COTL1: variants seen among roughly 807,000 people sequenced by gnomAD.
The protein encoded by COTL1 is coactosin-like protein.
A neutral mutation model predicts 16.5 loss-of-function variants in COTL1; 15 were observed. That is an observed-to-expected ratio of 0.91 (90% CI 0.61 to 1.40). The LOEUF (loss-of-function observed/expected upper bound fraction) is 1.40, where lower values mean the gene tolerates loss of function less well. Ranked by LOEUF, COTL1 falls within the 40% of genes most tolerant of loss-of-function variation. COTL1 has a pLI of 0.00. For missense variants in COTL1, 220 were observed against 201.5 expected (o/e 1.09, Z -0.56); for synonymous variants, 112 against 85.3 (o/e 1.31, Z -1.73).
intron 2 of COTL1, among the ~76,000 whole-genome samples, chr16:84,607,725 G>A (rs1178445487): frequency 6.6e-6 from 1 of 152,054 alleles, no homozygotes; most frequent in Non-Finnish European, 1.5e-5. Context: ...GGAGGCGGGG[G>A]AGCAATCTGA....
intron 2 of COTL1, among the ~76,000 whole-genome samples, chr16:84,611,910 C>T (rs949071204): frequency 1.3e-5 from 2 of 152,056 alleles, no homozygotes; most frequent in Non-Finnish European, 2.9e-5. Flanking sequence ...ATCATACAAC[C>T]GGTCTGGCAA....
chr16:84,606,459 C>A (rs1285469805), intron 2 of COTL1, among the ~76,000 whole-genome samples: 2 of 152,296 alleles, frequency 1.3e-5, no homozygotes, highest in Non-Finnish European at 1.5e-5. Context: ...GAGAACAAAG[C>A]TGACCTGGTT....
At chr16:84,589,366 T>C (rs1321887034) in intron 3 of COTL1, among the ~76,000 whole-genome samples, 1 of 152,230 alleles carries the variant, frequency 6.6e-6, no homozygotes, top group Non-Finnish European at 1.5e-5. Flanking sequence ...GGATGGGCAG[T>C]GGTACCCCCC....
intron 3 of COTL1, among the ~76,000 whole-genome samples, chr16:84,582,463 C>G (rs992515346): frequency 6.6e-6 from 1 of 152,182 alleles, no homozygotes; most frequent in Non-Finnish European, 1.5e-5. Context: ...CATTTCTTAG[C>G]CCTTGTTATG....
Position 84,590,235 on chromosome 16 carries a change from C to G in COTL1, c.188G>C (p.Arg63Pro), listed in dbSNP as rs755533045. ...GCTCATGGCATCCCCGGTGGTGAAG[C>G]GCACGAAGGCAAACAACCGGACGTC... ...TDDVRLFAFV[R>P]FTTGDAMSKR... The change falls in exon 3 of 4, where the codon CGC becomes CCC. Residue 63 changes from arginine (R) to proline (P), a missense_variant. Coordinates refer to ENST00000262428, the MANE Select transcript of COTL1 (RefSeq NM_021149.5). This position sits in a 1 kb window ranked among gnomAD's most constrained non-coding sequence, Gnocchi z 5.5. The G allele has an allele frequency of 6.2e-7, 1 of 1,614,034 alleles. No homozygotes were observed. Among genetic ancestry groups the G allele is most frequent in the South Asian group, 1.1e-5 (1 of 91,074 alleles).
chr16:84,610,255 T>G (rs1905293006), intron 2 of COTL1, among the ~76,000 whole-genome samples: 1 of 152,190 alleles, frequency 6.6e-6, no homozygotes. Context: ...CTCTTTTAGA[T>G]GGAAACTAAA....
In COTL1 at chr16:84,590,367, C is replaced by CAGGAGA; in HGVS notation, c.161-111_161-106dup. The CAGGAGA allele has an allele frequency of 3.6e-6, 5 of 1,372,474 alleles. No individual in the cohort carries two copies. Among genetic ancestry groups the CAGGAGA allele is most frequent in the Non-Finnish European group, 5.0e-6 (5 of 998,168 alleles). 85.0% of individuals were successfully genotyped at this position (1,372,474 alleles called of 1,614,324 possible). On this transcript the variant is annotated intron_variant, in intron 2 of 3. Coordinates refer to ENST00000262428, the MANE Select transcript of COTL1 (RefSeq NM_021149.5). This position sits in a 1 kb window ranked among gnomAD's most constrained non-coding sequence, Gnocchi z 5.5. ...CACGAGTGCGCCTGGAGCAGCACAG[C>CAGGAGA]AGGAGACCGGTGCAGTTCCCTGGGA...
At chr16:84,588,802 T>A (rs1453134490) in intron 3 of COTL1, among the ~76,000 whole-genome samples, 1 of 150,944 alleles carries the variant, frequency 6.6e-6, no homozygotes, top group East Asian at 2.0e-4. Context: ...CAGGTGTGAG[T>A]CACTGTGCTC....
In COTL1 at chr16:84,566,607, G is replaced by C. The variant is rs1904299434; in HGVS notation, c.*238C>G. 1 of 477,986 alleles carries C rather than the reference G, an allele frequency of 2.1e-6. No homozygotes were observed. Among genetic ancestry groups the C allele is most frequent in the Admixed American group, 3.8e-5 (1 of 26,438 alleles). 29.6% of individuals were successfully genotyped at this position (477,986 alleles called of 1,614,324 possible). A position where few individuals can be genotyped will look rare whatever the true frequency, so the allele number is the denominator to read the frequency against. On this transcript the variant is annotated 3_prime_UTR_variant, in exon 4 of 4. Transcript: ENST00000262428. ...ACTTTTCTTTAGAACAAAAAAGAGG[G>C]GGAGAAAAGAAAAAGAAGATCAAAG...
At position 84,565,938 on chromosome 16, in the gene COTL1, T is replaced by A. The variant is rs910787221; in HGVS notation, c.*907A>T. ...CCTCGCAGCTTACACAGAAGCTTCC[T>A]GAACCTAAGGGATCCGTTCCCAGCT... On this transcript the variant is annotated 3_prime_UTR_variant, in exon 4 of 4. Transcript: ENST00000262428. 4.6e-5 allele frequency: 7 copies of A among 152,340 alleles called. No homozygotes were observed. The highest frequency in any genetic ancestry group is 1.7e-4 in the African/African-American group (7 of 41,480). 9.4% of individuals were successfully genotyped at this position (152,340 alleles called of 1,614,324 possible). A position where few individuals can be genotyped will look rare whatever the true frequency, so the allele number is the denominator to read the frequency against.
In COTL1 at chr16:84,590,659, C is replaced by T. The variant is rs949192987; in HGVS notation, c.161-397G>A. Among the ~76,000 whole-genome samples the T allele has an allele frequency of 9.2e-5, 14 of 152,036 alleles. No homozygotes were observed. The highest frequency in any genetic ancestry group is 2.7e-4 in the African/African-American group (11 of 41,368). On this transcript the variant is annotated intron_variant, in intron 2 of 3. Transcript: ENST00000262428. The surrounding 1 kb of genome is among the most constrained non-coding windows in gnomAD (Gnocchi z 5.5). ...GGGCCCATTGCACAGATGTGGGTGC[C>T]GCCAGCAGTGCCAGGGCCCAGCCAA...
At chr16:84,577,886 C>T (rs2150682371) in intron 3 of COTL1, among the ~76,000 whole-genome samples, 1 of 152,308 alleles carries the variant, frequency 6.6e-6, no homozygotes, top group African/African-American at 2.4e-5. Context: ...CCCGACAGGG[C>T]CCCTGACCTC....
rs770354871 is a variant in COTL1, at chr16:84,590,067, G to A, written c.318+38C>T. ...CCTCCTTGCAGGATGGTGACCCTTGGCGAGCTTTGACCTCCAGACTCTGGA... is the reference window on the plus strand; with the variant it reads ...CCTCCTTGCAGGATGGTGACCCTTGACGAGCTTTGACCTCCAGACTCTGGA... On this transcript the variant is annotated intron_variant, in intron 3 of 3. Coordinates refer to ENST00000262428, the MANE Select transcript of COTL1 (RefSeq NM_021149.5). The surrounding 1 kb of genome is among the most constrained non-coding windows in gnomAD (Gnocchi z 5.5). 1.3e-6 allele frequency: 2 copies of A among 1,582,646 alleles called. No individual in the cohort carries two copies. The highest frequency in any genetic ancestry group is 2.3e-5 in the East Asian group (1 of 44,170).
At chr16:84,581,163 A>G (rs1488387854) in intron 3 of COTL1, among the ~76,000 whole-genome samples, 4 of 147,978 alleles carry the variant, frequency 2.7e-5, no homozygotes, top group Admixed American at 6.7e-5. Context: ...ACAAACAAAT[A>G]AATATATGTA....
Position 84,590,228 on chromosome 16 carries a change from G to A in COTL1, c.195C>T (p.Thr65=). 14 of 1,614,166 alleles carry A rather than the reference G, an allele frequency of 8.7e-6. No homozygotes were observed. Among genetic ancestry groups the A allele is most frequent in the Non-Finnish European group, 1.2e-5 (14 of 1,179,998 alleles). The change falls in exon 3 of 4, where the codon ACC becomes ACT. Residue 65 remains threonine (T), a synonymous_variant. Transcript: ENST00000262428. The surrounding 1 kb of genome is among the most constrained non-coding windows in gnomAD (Gnocchi z 5.5). ...ACCTCTTGCTCATGGCATCCCCGGT[G>A]GTGAAGCGCACGAAGGCAAACAACC... is the stretch of plus-strand genomic sequence containing the variant. ...DVRLFAFVRF[T]TGDAMSKRSK...
Position 84,566,420 on chromosome 16 carries a change from G to T in COTL1, c.*425C>A. The T allele has an allele frequency of 6.4e-6, 1 of 157,360 alleles. No homozygotes were observed. Among genetic ancestry groups the T allele is most frequent in the Non-Finnish European group, 1.4e-5 (1 of 71,370 alleles). The allele number at this position is 157,360 out of a possible 1,614,324, so 9.7% of individuals were successfully genotyped here. On this transcript the variant is annotated 3_prime_UTR_variant, in exon 4 of 4. Transcript: ENST00000262428. ...GTGGTACACAGGAAGCAGGGTCCAG[G>T]AAAACTGAGATGGCAAAATAGGCCC...
intron 2 of COTL1, among the ~76,000 whole-genome samples, chr16:84,612,396 G>A (rs1272031594): frequency 6.6e-6 from 1 of 152,202 alleles, no homozygotes; most frequent in East Asian, 1.9e-4. Flanking sequence ...ATACCAGCCT[G>A]GGCCAGGTGC....
intron 3 of COTL1, among the ~76,000 whole-genome samples, chr16:84,571,411 G>A (rs769161814): frequency 2.6e-5 from 4 of 152,194 alleles, no homozygotes; most frequent in Non-Finnish European, 5.9e-5. Flanking sequence ...CAATTCAGAA[G>A]GGGAAACTGA....
intron 3 of COTL1, among the ~76,000 whole-genome samples, chr16:84,578,914 T>C (rs949527394): frequency 8.5e-6 from 1 of 117,708 alleles, no homozygotes; most frequent in African/African-American, 5.8e-5. Flanking sequence ...GACACATGCA[T>C]GCATACACAC....
Sources: allele counts gnomAD v4.1 joint callset (sites outside exome capture counted in the v4.1 genomes callset), GRCh38; gene constraint gnomAD v4.1.1; non-coding constraint Gnocchi (gnomAD v3.1); transcripts MANE v1.5; gene names NCBI Gene and HGNC (gene_info 2026-07-23, HGNC 2026-07-21).